Variants in ENOX1 observed in about 807,000 individuals in gnomAD.
The protein encoded by ENOX1 is candidate growth-related and time keeping constitutive hydroquinone (NADH) oxidase.
Under a neutral mutation model 82.5 loss-of-function variants are expected in ENOX1, and 42 were observed. The ratio of observed to expected loss-of-function variants is 0.51; its 90% CI spans 0.40 to 0.66. ENOX1 has a LOEUF of 0.66. Ranked by LOEUF, ENOX1 falls within the 30% of genes least tolerant of loss-of-function variation. The probability of loss-of-function intolerance (pLI) is 0.00; values close to 1 mark genes in which losing one functional copy is unlikely to be tolerated. For missense variants in ENOX1, 608 were observed against 811.6 expected (o/e 0.75, Z 3.05); for synonymous variants, 271 against 282.2 (o/e 0.96, Z 0.40).
chr13:43,546,747 C>T (rs1385413641), intron 2 of ENOX1: 1 of 152,176 alleles, frequency 6.6e-6, no homozygotes, highest in East Asian at 1.9e-4. Flanking sequence ...TATGTAAGAT[C>T]TCTCACCTAT....
chr13:43,257,797 G>T (rs562249720), intron 14 of ENOX1, among the ~76,000 whole-genome samples: 3 of 152,260 alleles, frequency 2.0e-5, no homozygotes, highest in South Asian at 4.2e-4. Flanking sequence ...GAACCTTTCT[G>T]GGGGAGGACA....
chr13:43,396,077 T>C (rs2053127326), intron 5 of ENOX1, among the ~76,000 whole-genome samples: 1 of 152,196 alleles, frequency 6.6e-6, no homozygotes, highest in South Asian at 2.1e-4. Flanking sequence ...TTTCCAAAGA[T>C]TGCTTGAACT....
chr13:43,468,598 T>C (rs1161928002), intron 3 of ENOX1, among the ~76,000 whole-genome samples: 1 of 147,646 alleles, frequency 6.8e-6, no homozygotes, highest in Non-Finnish European at 1.5e-5. Flanking sequence ...AAGATCTGCC[T>C]GGGCAATATA....
intron 11 of ENOX1, among the ~76,000 whole-genome samples, chr13:43,306,321 C>T (rs2046859145): frequency 1.3e-5 from 2 of 152,178 alleles, no homozygotes; most frequent in Admixed American, 6.5e-5. Flanking sequence ...CAGGAGGGGG[C>T]ACTTTTCCCC....
intron 2 of ENOX1, among the ~76,000 whole-genome samples, chr13:43,542,952 G>A (rs537267554): frequency 2.0e-5 from 3 of 152,244 alleles, no homozygotes; most frequent in African/African-American, 4.8e-5. Flanking sequence ...AAAGGTACTT[G>A]TCTCCTTGAT....
intron 2 of ENOX1, among the ~76,000 whole-genome samples, chr13:43,569,443 C>T (rs1226437353): frequency 1.3e-5 from 2 of 152,162 alleles, no homozygotes; most frequent in East Asian, 3.8e-4. Flanking sequence ...TCCCTTGCAT[C>T]AATACCTCAG....
chr13:43,767,543 T>C (rs922804567), intron 1 of ENOX1, among the ~76,000 whole-genome samples: 1 of 152,212 alleles, frequency 6.6e-6, no homozygotes, highest in African/African-American at 2.4e-5. Flanking sequence ...TAGACTGTGC[T>C]TTAAAAGGAA....
chr13:43,353,149 C>A (rs992476965), intron 8 of ENOX1, among the ~76,000 whole-genome samples: 6 of 152,146 alleles, frequency 3.9e-5, no homozygotes, highest in African/African-American at 1.4e-4. Flanking sequence ...TGGTCATGCC[C>A]AGTAGAACCA....
chr13:43,567,654 C>T (rs1378762609), intron 2 of ENOX1, among the ~76,000 whole-genome samples: 2 of 151,960 alleles, frequency 1.3e-5, no homozygotes, highest in African/African-American at 2.4e-5. Context: ...GGAACCGAGA[C>T]ACAGAGAGGT....
intron 2 of ENOX1, among the ~76,000 whole-genome samples, chr13:43,662,001 T>C (rs2084756910): frequency 6.6e-6 from 1 of 152,194 alleles, no homozygotes; most frequent in Admixed American, 6.5e-5. Flanking sequence ...TTGATTTTTT[T>C]TTATAGACAG....
chr13:43,618,683 TG>T (rs2082590717), intron 2 of ENOX1, among the ~76,000 whole-genome samples: 1 of 152,176 alleles, frequency 6.6e-6, no homozygotes, highest in Non-Finnish European at 1.5e-5. Flanking sequence ...CCTCCAGATT[TG>T]TTCTTTTTGC....
intron 1 of ENOX1, among the ~76,000 whole-genome samples, chr13:43,718,676 C>CAAAAAAAAAAAAAAAAAAAAAAAA (rs61671392): frequency 1.8e-5 from 1 of 55,586 alleles, no homozygotes; most frequent in African/African-American, 7.9e-5. Context: ...GACTCCGTCT[C>CAAAAAAAAAAAAAAAAAAAAAAAA]AAAAAAAAAA....
chr13:43,399,520 T>C (rs2053368199), intron 5 of ENOX1, among the ~76,000 whole-genome samples: 1 of 152,234 alleles, frequency 6.6e-6, no homozygotes, highest in Admixed American at 6.5e-5. Context: ...TCTTCTCCCC[T>C]TCCCCGTGCC....
intron 14 of ENOX1, among the ~76,000 whole-genome samples, chr13:43,250,790 C>T (rs748226754): frequency 6.6e-6 from 1 of 152,082 alleles, no homozygotes; most frequent in Admixed American, 6.5e-5. Context: ...GGGCAGCCAG[C>T]TATGTAAAAT....
At chr13:43,632,331 C>G (rs2153751330) in intron 2 of ENOX1, among the ~76,000 whole-genome samples, 1 of 151,828 alleles carries the variant, frequency 6.6e-6, no homozygotes, top group East Asian at 1.9e-4. Flanking sequence ...AGGACATCAT[C>G]TCAACCTGAA....
intron 15 of ENOX1, among the ~76,000 whole-genome samples, chr13:43,225,655 CCA>C (rs968916086): frequency 3.9e-5 from 6 of 152,072 alleles, no homozygotes; most frequent in African/African-American, 7.2e-5. Context: ...GATTGATCTG[CCA>C]TAGGGTTTCA....
chr13:43,593,674 ACACACACACAC>A (rs2081342767), intron 2 of ENOX1, among the ~76,000 whole-genome samples: 1 of 240 alleles, frequency 4.2e-3, no homozygotes, highest in Non-Finnish European at 0.062. Flanking sequence ...CTCTGTACAC[ACACACACACAC>A]ACACACACAC....
chr13:43,581,840 G>A (rs1050246335), intron 2 of ENOX1, among the ~76,000 whole-genome samples: 9 of 152,074 alleles, frequency 5.9e-5, no homozygotes, highest in African/African-American at 2.2e-4. Context: ...CCAATTAATA[G>A]CAGGAATTAT....
intron 3 of ENOX1, among the ~76,000 whole-genome samples, chr13:43,445,171 T>G (rs2056564972): frequency 6.7e-6 from 1 of 150,348 alleles, no homozygotes; most frequent in Non-Finnish European, 1.5e-5. Flanking sequence ...TTGCCCAGGC[T>G]GGGGCACAGT....
Sources: gnomAD v4.1 joint callset for allele counts (sites outside exome capture counted in the v4.1 genomes callset) on GRCh38, gnomAD v4.1.1 for gene constraint, MANE v1.5 for transcripts, NCBI Gene and HGNC (gene_info 2026-07-23, HGNC 2026-07-21) for gene names.